Variants in CAPRIN2 observed in about 807,000 individuals in gnomAD.
CAPRIN2 encodes the protein caprin family member 2.
A neutral mutation model predicts 130.4 loss-of-function variants in CAPRIN2; 66 were observed. That is an observed-to-expected ratio of 0.51 (90% confidence interval 0.42 to 0.62). The LOEUF is 0.62. Ranked by LOEUF, CAPRIN2 falls within the 20% of genes least tolerant of loss-of-function variation. The probability of loss-of-function intolerance (pLI) is 0.00; values close to 1 mark genes in which losing one functional copy is unlikely to be tolerated. For missense variants in CAPRIN2, 1,185 were observed against 1,246.6 expected, an observed-to-expected ratio of 0.95 and a Z score of 0.74; for synonymous variants, 471 against 444.1, an observed-to-expected ratio of 1.06 and a Z score of -0.76.
chr12:30,729,175 A>T, exon 8 of CAPRIN2: 1 of 1,613,450 alleles, frequency 6.2e-7, no homozygotes, highest in Admixed American at 1.7e-5. Context: ...GACTTAAAGG[A>T]CTCCTGTTTC....
intron 2 of CAPRIN2, among the ~76,000 whole-genome samples, chr12:30,746,976 G>A (rs1189077013): frequency 6.6e-6 from 1 of 152,192 alleles, no homozygotes; most frequent in Non-Finnish European, 1.5e-5. Context: ...CTAGAGATGA[G>A]AAGTCAATGC....
intron 2 of CAPRIN2, among the ~76,000 whole-genome samples, chr12:30,746,540 T>C (rs1044084522): frequency 2.0e-5 from 3 of 152,202 alleles, no homozygotes; most frequent in Non-Finnish European, 4.4e-5. Context: ...TGATGAGAGA[T>C]GGTGATAGTG....
intron 5 of CAPRIN2, among the ~76,000 whole-genome samples, chr12:30,732,133 A>C (rs986126721): frequency 6.6e-6 from 1 of 152,022 alleles, no homozygotes; most frequent in Non-Finnish European, 1.5e-5. Context: ...CATCATGAAG[A>C]TTTTACTCGA....
At position 30,729,330 on chromosome 12, in the gene CAPRIN2, A is replaced by G; in HGVS notation, c.1105-5T>C. The G allele has an allele frequency of 6.5e-7, 1 of 1,536,322 alleles. No homozygotes were observed. Among genetic ancestry groups the G allele is most frequent in the East Asian group, 2.2e-5 (1 of 44,488 alleles). On this transcript the variant is annotated splice_region_variant and splice_polypyrimidine_tract_variant and intron_variant, in intron 7 of 16. Coordinates refer to ENST00000298892, the Ensembl canonical transcript of CAPRIN2. ...CATATAGCGTCTGTTAAGAAACTAG[A>G]TAGAGAAACAATGCACTTAAGTCAC...
In CAPRIN2 at chr12:30,729,342, T is replaced by C; in HGVS notation, c.1105-17A>G. ...GTTAAGAAACTAGATAGAGAAACAATGCACTTAAGTCACAAAATTCATAGA... is the reference window on the plus strand; with the variant it reads ...GTTAAGAAACTAGATAGAGAAACAACGCACTTAAGTCACAAAATTCATAGA... On this transcript the variant is annotated splice_polypyrimidine_tract_variant and intron_variant, in intron 7 of 16. Coordinates refer to ENST00000298892, the Ensembl canonical transcript of CAPRIN2. 8 of 1,519,902 alleles carry C rather than the reference T, an allele frequency of 5.3e-6. No individual in the cohort carries two copies. Among genetic ancestry groups the C allele is most frequent in the Middle Eastern group, 1.8e-4 (1 of 5,620 alleles). 94.2% of individuals were successfully genotyped at this position (1,519,902 alleles called of 1,614,324 possible). A position where few individuals can be genotyped will look rare whatever the true frequency, so the allele number is the denominator to read the frequency against.
Position 30,728,740 on chromosome 12 carries a change from G to A in CAPRIN2, c.1690C>T (p.Gln564Ter). 1 of 1,614,134 alleles carries A rather than the reference G, an allele frequency of 6.2e-7. No homozygotes were observed. Among genetic ancestry groups the A allele is most frequent in the Non-Finnish European group, 8.5e-7 (1 of 1,180,014 alleles). Reference sequence around the variant, plus strand: ...ACTCCCCAGGACTTTGGAGAAATCTGTGACTGTGATGTTAAAGAGTGTTTT... The same window carrying A: ...ACTCCCCAGGACTTTGGAGAAATCTATGACTGTGATGTTAAAGAGTGTTTT... The change falls in exon 8 of 17, where the codon CAG (glutamine) becomes TAG (stop). Residue 564 changes from glutamine (Q) to a stop codon, truncating the protein, a stop_gained. Coordinates refer to ENST00000298892, the Ensembl canonical transcript of CAPRIN2. LOFTEE classifies it high-confidence loss of function.
intron 6 of CAPRIN2, 92 bp from the exon 8 acceptor site, chr12:30,730,374 A>C (rs2062251709): frequency 1.0e-5 from 9 of 894,094 alleles, no homozygotes; most frequent in South Asian, 1.0e-4. Context: ...AACATATTTC[A>C]GAAGACTCGT....
At chr12:30,717,587 T>C (rs559887121) in intron 12 of CAPRIN2, among the ~76,000 whole-genome samples, 26 of 151,632 alleles carry the variant, frequency 1.7e-4, no homozygotes, top group South Asian at 6.2e-4. Context: ...ACATACATTT[T>C]ACCATAGTAA....
intron 3 of CAPRIN2, among the ~76,000 whole-genome samples, chr12:30,740,437 G>GTGT (rs1565672802): frequency 2.8e-5 from 4 of 144,194 alleles, no homozygotes; most frequent in Middle Eastern, 3.2e-3. Flanking sequence ...ATTTGAAAAA[G>GTGT]TAAAGAATAC....
At chr12:30,716,435 A>G in intron 13 of CAPRIN2, 73 bp downstream of exon 15, 1 of 1,349,648 alleles carries the variant, frequency 7.4e-7, no homozygotes, top group Non-Finnish European at 1.1e-6. Flanking sequence ...GTCACTACAG[A>G]CTTCCTAGAC....
rs780674123 is a variant in CAPRIN2, at chr12:30,733,628, CAT to C, written c.891_892del (p.Tyr298GlnfsTer9). 3.7e-6 allele frequency: 6 copies of C among 1,606,200 alleles called. No individual in the cohort carries two copies. ...ATAAGTCCAGAGTAGAGAAAACTCA[CAT>C]GTCGTTCCTACCACTGCTTTCTCAC... is the stretch of plus-strand genomic sequence containing the variant. On this transcript the variant is annotated frameshift_variant and splice_region_variant, in exon 5 of 17. Coordinates refer to ENST00000298892, the Ensembl canonical transcript of CAPRIN2. LOFTEE classifies it high-confidence loss of function.
At chr12:30,748,839 A>G (rs2072107250) in intron 2 of CAPRIN2, among the ~76,000 whole-genome samples, 1 of 152,192 alleles carries the variant, frequency 6.6e-6, no homozygotes, top group Non-Finnish European at 1.5e-5. Flanking sequence ...TATACCTACT[A>G]CATGCTACAC....
intron 13 of CAPRIN2, 190 bp downstream of exon 15, chr12:30,716,317 TA>T: frequency 1.9e-6 from 1 of 514,662 alleles, no homozygotes; most frequent in Non-Finnish European, 3.4e-6. Flanking sequence ...CTACAAAAAT[TA>T]AAATTAATAG....
chr12:30,736,422 T>C (rs1304869231), intron 3 of CAPRIN2, among the ~76,000 whole-genome samples: 1 of 151,920 alleles, frequency 6.6e-6, no homozygotes, highest in African/African-American at 2.4e-5. Context: ...CACTAAGATT[T>C]TTCCTATAGA....
At chr12:30,743,009 C>G (rs2139234509) in intron 2 of CAPRIN2, among the ~76,000 whole-genome samples, 1 of 152,172 alleles carries the variant, frequency 6.6e-6, no homozygotes, top group South Asian at 2.1e-4. Flanking sequence ...ATGGTATTAA[C>G]TTTGATTCAA....
intron 12 of CAPRIN2, chr12:30,719,154 T>C: frequency 6.2e-7 from 1 of 1,614,108 alleles, no homozygotes. Context: ...GGAAGCCCTG[T>C]TCAGAGCCCT....
At chr12:30,715,030 C>T in exon 14 of CAPRIN2, 6 of 1,614,048 alleles carry the variant, frequency 3.7e-6, no homozygotes, top group Non-Finnish European at 5.1e-6. Context: ...TCTAACAGAT[C>T]CCCGGCTATT....
At chr12:30,746,409 C>T (rs762964826) in intron 2 of CAPRIN2, among the ~76,000 whole-genome samples, 5 of 152,016 alleles carry the variant, frequency 3.3e-5, no homozygotes, top group South Asian at 2.1e-4. Context: ...AAACACACAC[C>T]GACAAAAACC....
intron 3 of CAPRIN2, among the ~76,000 whole-genome samples, chr12:30,736,397 C>CAAA (rs201366580): frequency 7.5e-6 from 1 of 133,316 alleles, no homozygotes; most frequent in African/African-American, 2.7e-5. Context: ...GATTAAAATA[C>CAAA]AAAAAAAAAA....
Sources: allele counts gnomAD v4.1 joint callset (sites outside exome capture counted in the v4.1 genomes callset), GRCh38; gene constraint gnomAD v4.1.1; transcripts MANE v1.5; gene names NCBI Gene and HGNC (gene_info 2026-07-23, HGNC 2026-07-21).